The following KAZN variants were observed in gnomAD, a reference collection of about 807,000 sequenced individuals.
KAZN encodes the protein kazrin, periplakin interacting protein.
A neutral mutation model predicts 87.4 loss-of-function variants in KAZN; 40 were observed. That is an observed-to-expected ratio of 0.46 (90% CI 0.36 to 0.60). The LOEUF (loss-of-function observed/expected upper bound fraction) is 0.60, where lower values mean the gene tolerates loss of function less well. Ranked by LOEUF, KAZN falls within the 20% of genes least tolerant of loss-of-function variation. The pLI is 0.00. For missense variants in KAZN, 898 were observed against 1,073.9 expected (o/e 0.84, Z 2.29); for synonymous variants, 466 against 458.3 (o/e 1.02, Z -0.22).
intron 2 of KAZN, among the ~76,000 whole-genome samples, chr1:14,280,494 G>A (rs1237050144): frequency 3.3e-5 from 5 of 151,720 alleles, no homozygotes; most frequent in Admixed American, 2.0e-4. Flanking sequence ...GTAATGCCAC[G>A]TGAAGGTGAA....
rs1253109814 is a variant in KAZN, at chr1:14,291,391, G to T, written c.249+110799G>T. Among the ~76,000 whole-genome samples the T allele has an allele frequency of 4.6e-5, 7 of 152,296 alleles. No individual in the cohort carries two copies. In the East Asian group the frequency reaches 1.4e-3, roughly 29 times the overall value. On this transcript the variant is annotated intron_variant, in intron 2 of 16. Transcript: ENST00000636203. ...GTTTACCTACTCATGCCTCAGCATGGTGGACACCCCTCCCCCAGCCAGGTT... is the reference window on the plus strand; with the variant it reads ...GTTTACCTACTCATGCCTCAGCATGTTGGACACCCCTCCCCCAGCCAGGTT...
At chr1:14,023,287 G>A (rs745884730) in intron 1 of KAZN, among the ~76,000 whole-genome samples, 2 of 152,114 alleles carry the variant, frequency 1.3e-5, no homozygotes, top group African/African-American at 4.8e-5. Flanking sequence ...GCTCCACTGC[G>A]CTCCAGCCTG....
chr1:14,980,495 C>A (rs1053280372), intron 2 of KAZN, among the ~76,000 whole-genome samples: 5 of 152,124 alleles, frequency 3.3e-5, no homozygotes, highest in Non-Finnish European at 7.4e-5. Context: ...CATGAGGCAG[C>A]CTTGGGGCCC....
chr1:14,926,172 T>C (rs1659151892), intron 1 of KAZN, among the ~76,000 whole-genome samples: 1 of 152,182 alleles, frequency 6.6e-6, no homozygotes, highest in African/African-American at 2.4e-5. Context: ...CTCTGCTCCA[T>C]CTCCACCCTC....
At chr1:14,828,358 T>A (rs547753134) in intron 1 of KAZN, among the ~76,000 whole-genome samples, 1 of 152,382 alleles carries the variant, frequency 6.6e-6, no homozygotes, top group South Asian at 2.1e-4. Context: ...TATTTGAGTA[T>A]AAACAATAAA....
chr1:14,415,257 T>C (rs1179303227), intron 2 of KAZN, among the ~76,000 whole-genome samples: 3 of 152,152 alleles, frequency 2.0e-5, no homozygotes, highest in African/African-American at 7.2e-5. Context: ...TAAAAGTAAA[T>C]ACAATCCAGA....
chr1:14,836,735 G>T (rs896830895), intron 1 of KAZN, among the ~76,000 whole-genome samples: 1 of 152,088 alleles, frequency 6.6e-6, no homozygotes, highest in African/African-American at 2.4e-5. Flanking sequence ...TGGAGAGGGG[G>T]TGTCTCAGCA....
intron 1 of KAZN, among the ~76,000 whole-genome samples, chr1:14,776,345 G>A (rs544484864): frequency 1.6e-4 from 24 of 152,272 alleles, no homozygotes; most frequent in African/African-American, 4.6e-4. Flanking sequence ...GAATAGTAAC[G>A]CAGGTGGGCA....
At position 14,773,278 on chromosome 1, in the gene KAZN, G is replaced by A. The variant is rs961932775; in HGVS notation, c.226+174055G>A. Among the ~76,000 whole-genome samples the A allele has an allele frequency of 6.6e-6, 1 of 152,130 alleles. No homozygotes were observed. The highest frequency in any genetic ancestry group is 6.5e-5 in the Admixed American group (1 of 15,272). ...CTAGTCATGGGGTGAGCTACAGTGG[G>A]ACTGTGGCACACAGTGGTGGCCTGG... On this transcript the variant is annotated intron_variant, in intron 1 of 14. Transcript: ENST00000376030. The surrounding 1 kb of genome is among the most constrained non-coding windows in gnomAD (Gnocchi z 5.9).
intron 1 of KAZN, among the ~76,000 whole-genome samples, chr1:14,862,647 G>A (rs1651001951): frequency 6.6e-6 from 1 of 152,150 alleles, no homozygotes; most frequent in South Asian, 2.1e-4. Flanking sequence ...GATGCGAGCA[G>A]CCATTTTAAC....
At chr1:14,905,713 A>G (rs2807557) in intron 1 of KAZN, among the ~76,000 whole-genome samples, 130,896 of 150,728 alleles carry the variant, frequency 0.87, 56,845 homozygotes, top group South Asian at 0.9. Context: ...GCATGGTGGC[A>G]CGTGCCTGTA....
chr1:14,884,090 C>T (rs1228606052), intron 1 of KAZN, among the ~76,000 whole-genome samples: 1 of 152,122 alleles, frequency 6.6e-6, no homozygotes, highest in Non-Finnish European at 1.5e-5. Flanking sequence ...TAGGGTCTCA[C>T]AGCCTATAAA....
At chr1:14,689,652 A>G (rs1325991623) in intron 1 of KAZN, among the ~76,000 whole-genome samples, 1 of 152,196 alleles carries the variant, frequency 6.6e-6, no homozygotes, top group African/African-American at 2.4e-5. Context: ...AAGAGAAAAA[A>G]AGAAACAGGT....
chr1:14,455,382 G>A (rs1280790202), intron 2 of KAZN, among the ~76,000 whole-genome samples: 1 of 152,084 alleles, frequency 6.6e-6, no homozygotes, highest in Non-Finnish European at 1.5e-5. Flanking sequence ...GAATTCCCCA[G>A]CTCTTCTGGA....
intron 2 of KAZN, among the ~76,000 whole-genome samples, chr1:14,551,340 C>T (rs773179077): frequency 3.4e-4 from 51 of 152,136 alleles, no homozygotes; most frequent in Non-Finnish European, 5.1e-4. Flanking sequence ...GGGCTCCCCT[C>T]GTATGATAAA....
At chr1:14,044,979 C>A (rs1642002607) in intron 1 of KAZN, among the ~76,000 whole-genome samples, 2 of 152,056 alleles carry the variant, frequency 1.3e-5, no homozygotes, top group Non-Finnish European at 1.5e-5. Context: ...TACCCCAAGA[C>A]CACTATGCTA....
intron 2 of KAZN, among the ~76,000 whole-genome samples, chr1:14,532,713 T>G (rs1557782118): frequency 6.8e-6 from 1 of 147,320 alleles, no homozygotes; most frequent in Non-Finnish European, 1.5e-5. Context: ...AGTGAGAACA[T>G]GCAGTGTTTG....
At chr1:14,590,704 C>A (rs1473510159) in intron 2 of KAZN, among the ~76,000 whole-genome samples, 1 of 152,182 alleles carries the variant, frequency 6.6e-6, no homozygotes, top group Non-Finnish European at 1.5e-5. Flanking sequence ...ATCACCATCA[C>A]CATCATCTCC....
In KAZN at chr1:15,080,882, T is replaced by C. The variant is rs189924146; in HGVS notation, c.1223-13298T>C. On this transcript the variant is annotated intron_variant, in intron 8 of 14. Coordinates refer to ENST00000376030, the MANE Select transcript of KAZN (RefSeq NM_201628.3). The stretch of plus-strand genomic sequence containing the variant: ...CGCTGGGAGCAGCTACACTCGGTGC[T>C]CCCCAGCAGCTTGTGGTTGGAGGCC... Among the ~76,000 whole-genome samples, 336 of 152,218 alleles carry C rather than the reference T, an allele frequency of 2.2e-3. 1 individual carries two copies. Among genetic ancestry groups the C allele is most frequent in the Middle Eastern group, 0.014 (4 of 294 alleles).
Sources: gnomAD v4.1 joint callset for allele counts (sites outside exome capture counted in the v4.1 genomes callset) on GRCh38, gnomAD v4.1.1 for gene constraint, Gnocchi (gnomAD v3.1) non-coding constraint, MANE v1.5 for transcripts, NCBI Gene and HGNC (gene_info 2026-07-23, HGNC 2026-07-21) for gene names.